The following EXOC6B variants were observed in gnomAD, a reference collection of about 807,000 sequenced individuals.
EXOC6B encodes SEC15 homolog B.
EXOC6B carries 54 observed loss-of-function variants against 113.5 expected under a neutral mutation model. That is an observed-to-expected ratio of 0.48 (90% CI 0.38 to 0.60). The LOEUF (loss-of-function observed/expected upper bound fraction) is 0.60. Ranked by LOEUF, EXOC6B falls within the 20% of genes least tolerant of loss-of-function variation. The pLI is 0.00. For synonymous variants in EXOC6B, 357 were observed against 339.0 expected (o/e 1.05, Z -0.58); for missense variants, 797 against 977.5 (o/e 0.82, Z 2.46).
chr2:72,826,029 C>T lies in EXOC6B; in HGVS notation c.-119G>A. 2.7e-6 allele frequency: 4 copies of T among 1,468,382 alleles called. No individual in the cohort carries two copies. The highest frequency in any genetic ancestry group is 2.5e-5 in the East Asian group (1 of 39,812). The allele number at this position is 1,468,382 out of a possible 1,614,324, so 91.0% of individuals were successfully genotyped here. A position where few individuals can be genotyped will look rare whatever the true frequency, so the allele number is the denominator to read the frequency against. On this transcript the variant is annotated 5_prime_UTR_variant, in exon 1 of 22. Coordinates refer to ENST00000272427, the MANE Select transcript of EXOC6B (RefSeq NM_015189.3). Reference sequence around the variant, plus strand: ...GCCCCAGCCTCTGGCTACCCGCAGGCCGACCCCTCCCTCAGGCTCGACACG... The same window carrying T: ...GCCCCAGCCTCTGGCTACCCGCAGGTCGACCCCTCCCTCAGGCTCGACACG...
intron 5 of EXOC6B, among the ~76,000 whole-genome samples, chr2:72,729,848 G>C (rs1481036279): frequency 6.6e-6 from 1 of 152,092 alleles, no homozygotes; most frequent in Non-Finnish European, 1.5e-5. Flanking sequence ...TCTTATGAGA[G>C]CATGTCCTAC....
chr2:72,721,364 T>TG (rs772801545), intron 5 of EXOC6B, among the ~76,000 whole-genome samples: 2 of 28,496 alleles, frequency 7.0e-5, no homozygotes, highest in Non-Finnish European at 1.2e-4. Flanking sequence ...GTTGTTTTTG[T>TG]AAAAAAAAAA....
At chr2:72,602,614 T>C (rs1226673173) in intron 6 of EXOC6B, among the ~76,000 whole-genome samples, 2 of 152,202 alleles carry the variant, frequency 1.3e-5, no homozygotes, top group Admixed American at 6.5e-5. Flanking sequence ...TAATTCCTAC[T>C]AACAATTTGT....
At chr2:72,503,974 C>T (rs1287484308) in intron 11 of EXOC6B, among the ~76,000 whole-genome samples, 5 of 152,060 alleles carry the variant, frequency 3.3e-5, no homozygotes, top group African/African-American at 7.2e-5. Context: ...GGGATACGAT[C>T]GTGGCTCACT....
chr2:72,242,320 T>C (rs919004992), intron 20 of EXOC6B, among the ~76,000 whole-genome samples: 3 of 152,292 alleles, frequency 2.0e-5, no homozygotes, highest in Admixed American at 2.0e-4. Flanking sequence ...ACTATAGTTA[T>C]GAATAAGTGA....
intron 6 of EXOC6B, among the ~76,000 whole-genome samples, chr2:72,621,765 G>C (rs1490488307): frequency 6.6e-6 from 1 of 152,090 alleles, no homozygotes; most frequent in Non-Finnish European, 1.5e-5. Flanking sequence ...TAATACAGAT[G>C]AATCAGATAC....
At chr2:72,600,745 C>G (rs1345372908) in intron 6 of EXOC6B, among the ~76,000 whole-genome samples, 1 of 152,064 alleles carries the variant, frequency 6.6e-6, no homozygotes, top group Non-Finnish European at 1.5e-5. Flanking sequence ...AAATATAAAA[C>G]TTCTGGACAA....
intron 20 of EXOC6B, among the ~76,000 whole-genome samples, chr2:72,275,814 G>A (rs567817133): frequency 1.3e-4 from 20 of 152,210 alleles, no homozygotes; most frequent in Admixed American, 1.0e-3. Flanking sequence ...CAAACACACC[G>A]ACTACATGCT....
Position 72,550,921 on chromosome 2 carries a change from T to TTTA in EXOC6B, c.915+8531_915+8532insTAA, listed in dbSNP as rs1257137452. On this transcript the variant is annotated intron_variant, in intron 8 of 21. Transcript: ENST00000272427. The stretch of plus-strand genomic sequence containing the variant: ...TAACTGCCATTTATTTTTTTTTTAT[T>TTTA]TTTTTTTTTTTTTTTGAGACGGAGT... Among the ~76,000 whole-genome samples the TTTA allele has an allele frequency of 7.2e-4, 96 of 132,494 alleles. 1 individual carries two copies. The highest frequency in any genetic ancestry group is 2.4e-3 in the African/African-American group (91 of 38,718). 86.9% of individuals were successfully genotyped at this position (132,494 alleles called of 152,430 possible).
intron 20 of EXOC6B, among the ~76,000 whole-genome samples, chr2:72,188,931 G>T (rs1370284920): frequency 6.6e-6 from 1 of 152,136 alleles, no homozygotes; most frequent in Non-Finnish European, 1.5e-5. Context: ...ATACACCCAT[G>T]CATGTACACA....
intron 9 of EXOC6B, 48 bp from the exon 10 acceptor site, chr2:72,514,728 T>C: frequency 8.1e-7 from 1 of 1,241,372 alleles, no homozygotes; most frequent in Non-Finnish European, 1.1e-6. Context: ...TTTTGTTACA[T>C]TAAGACTAAG....
rs1696824517 is a variant in EXOC6B at position 72,450,113 on chromosome 2, T to TTTGGA, written c.1980+15042_1980+15046dup. ...TCTATAATAATTTGACAATCTCTCC[T>TTTGGA]TTGGAGAAAATAATAAACAGACAAA... On this transcript the variant is annotated intron_variant, in intron 18 of 21. Coordinates refer to ENST00000272427, the MANE Select transcript of EXOC6B (RefSeq NM_015189.3). Among the ~76,000 whole-genome samples, 5 of 152,268 alleles carry TTTGGA rather than the reference T, an allele frequency of 3.3e-5. No individual in the cohort carries two copies. The South Asian group carries it at 1.0e-3, about 32-fold the overall frequency.
At chr2:72,669,146 A>G (rs1395485437) in intron 6 of EXOC6B, among the ~76,000 whole-genome samples, 1 of 152,056 alleles carries the variant, frequency 6.6e-6, no homozygotes, top group Non-Finnish European at 1.5e-5. Flanking sequence ...CAAAAAAGAA[A>G]GTCACATTCA....
chr2:72,244,100 T>C (rs1274819755), intron 20 of EXOC6B, among the ~76,000 whole-genome samples: 1 of 152,162 alleles, frequency 6.6e-6, no homozygotes, highest in Non-Finnish European at 1.5e-5. Flanking sequence ...AGAATATACA[T>C]TCTTCTCAAA....
chr2:72,398,696 C>CA (rs773438899), intron 18 of EXOC6B, among the ~76,000 whole-genome samples: 8,495 of 98,442 alleles, frequency 0.086, 466 homozygotes, highest in East Asian at 0.17. Flanking sequence ...GACTCTATCT[C>CA]AAAAAAAAAA....
intron 1 of EXOC6B, among the ~76,000 whole-genome samples, chr2:72,775,296 T>C (rs1290987599): frequency 1.3e-5 from 2 of 152,194 alleles, no homozygotes; most frequent in Admixed American, 1.3e-4. Context: ...TTCTGGCAAC[T>C]AGCCCCTCCC....
chr2:72,352,483 G>C (rs957551803), intron 19 of EXOC6B, among the ~76,000 whole-genome samples: 6 of 151,916 alleles, frequency 3.9e-5, no homozygotes, highest in African/African-American at 1.5e-4. Context: ...GGTGATATTT[G>C]GGTTTTTTTC....
At chr2:72,387,719 C>T (rs1335513442) in intron 18 of EXOC6B, among the ~76,000 whole-genome samples, 1 of 152,074 alleles carries the variant, frequency 6.6e-6, no homozygotes, top group Admixed American at 6.6e-5. Context: ...TCATCCCTGA[C>T]ATTAATAATT....
intron 6 of EXOC6B, among the ~76,000 whole-genome samples, chr2:72,596,723 T>C (rs905757475): frequency 6.6e-6 from 1 of 151,670 alleles, no homozygotes; most frequent in Non-Finnish European, 1.5e-5. Context: ...CCCAAAAACC[T>C]TACCACCACA....
Sources: allele counts gnomAD v4.1 joint callset (sites outside exome capture counted in the v4.1 genomes callset), GRCh38; gene constraint gnomAD v4.1.1; transcripts MANE v1.5; gene names NCBI Gene and HGNC (gene_info 2026-07-23, HGNC 2026-07-21).